SH3BP1: variants seen among roughly 807,000 people sequenced by gnomAD.
SH3BP1 encodes the protein SH3 domain binding protein 1, also known as SH3 domain-binding protein 1.
A neutral mutation model predicts 69.8 loss-of-function variants in SH3BP1; 46 were observed. The observed-to-expected ratio is 0.66, with a 90% CI of 0.52 to 0.84. The LOEUF (loss-of-function observed/expected upper bound fraction) is 0.84. Ranked by LOEUF, SH3BP1 falls within the 40% of genes least tolerant of loss-of-function variation. The pLI, the probability that SH3BP1 is intolerant of heterozygous loss-of-function variation, is 0.00. For synonymous variants in SH3BP1, 403 were observed against 378.0 expected (o/e 1.07, Z -0.77); for missense variants, 868 against 930.9 (o/e 0.93, Z 0.88).
rs367679789 is a variant in SH3BP1 at position 37,643,189 on chromosome 22, C to T, written c.473+15C>T. On this transcript the variant is annotated intron_variant, in intron 6 of 17. Transcript: ENST00000649765. ...CTCAAGAGCAGGTGGGAGCCCCAGC[C>T]GCTCAGGGGGCTCATATCTGGGTCA... 1.2e-4 allele frequency: 196 copies of T among 1,596,976 alleles called. 3 individuals carry two copies. The South Asian group carries it at 1.6e-3, about 13-fold the overall frequency.
chr22:37,652,005 C>CAG lies in SH3BP1; in HGVS notation c.1598+1280_1598+1281insAG, dbSNP rs1399723662. On this transcript the variant is annotated intron_variant, in intron 16 of 17. Coordinates refer to ENST00000649765, the MANE Select transcript of SH3BP1 (RefSeq NM_018957.6). ...ACCCCCTCTGCTTCTCACCCACTCT[C>CAG]TGGCTTCCAGTGGCCAAAGCATCTC... Among the ~76,000 whole-genome samples the CAG allele has an allele frequency of 4.5e-3, 686 of 152,238 alleles. 7 individuals are homozygous for CAG. Among genetic ancestry groups the CAG allele is most frequent in the African/African-American group, 0.016 (662 of 41,530 alleles).
In SH3BP1 at chr22:37,643,655, C is replaced by G; in HGVS notation, c.485C>G (p.Ala162Gly). The change falls in exon 7 of 18, where the codon GCA becomes GGA. Residue 162 changes from alanine to glycine, a missense_variant. Physicochemically the swap from Ala to Gly is moderately conservative, Grantham distance 60 (BLOSUM62 0). This residue lies in a region of SH3BP1 where 387 missense variants were observed against 447.9 expected (regional missense o/e 0.86). Coordinates refer to ENST00000649765, the MANE Select transcript of SH3BP1 (RefSeq NM_018957.6). ...WNTLKSRLSQATKNSGSSQGL... is the reference protein window; with the variant it reads ...WNTLKSRLSQGTKNSGSSQGL... ...GGGATCATCTCCAGGCTCAGTCAGGCAACCAAGAATTCAGGCAGCAGTCAA... is the reference window on the plus strand; with the variant it reads ...GGGATCATCTCCAGGCTCAGTCAGGGAACCAAGAATTCAGGCAGCAGTCAA... The G allele has an allele frequency of 6.2e-7, 1 of 1,614,162 alleles. No homozygotes were observed. The highest frequency in any genetic ancestry group is 2.2e-5 in the East Asian group (1 of 44,886).
In SH3BP1 at chr22:37,656,072, C is replaced by A; in HGVS notation, c.*388C>A. On this transcript the variant is annotated 3_prime_UTR_variant, in exon 18 of 18. Transcript: ENST00000649765. ...GCTGCCCAAATGATAGTTTTATTTT[C>A]TGTCCTTGAAATAAAGAAGCCAATT... 8 of 1,335,808 alleles carry A rather than the reference C, an allele frequency of 6.0e-6. No homozygotes were observed. The highest frequency in any genetic ancestry group is 7.9e-6 in the Non-Finnish European group (8 of 1,016,488). 82.7% of individuals were successfully genotyped at this position (1,335,808 alleles called of 1,614,324 possible).
In SH3BP1 at chr22:37,644,663, C is replaced by T. The variant is rs773499674; in HGVS notation, c.645C>T (p.His215=). Residue 215 remains histidine, a synonymous_variant, in exon 8 of 18, where the codon CAC becomes CAT. Transcript: ENST00000649765. ...ACGAGTACTTGGCTGACCTGTACCACTTTGTTACCAAGGAGGACTCCTATG... is the reference window on the plus strand; with the variant it reads ...ACGAGTACTTGGCTGACCTGTACCATTTTGTTACCAAGGAGGACTCCTATG... The part of the protein sequence containing the change: ...CRDEYLADLY[H]FVTKEDSYAN... 6.2e-7 allele frequency: 1 copy of T among 1,614,232 alleles called. No individual in the cohort carries two copies. Among genetic ancestry groups the T allele is most frequent in the East Asian group, 2.2e-5 (1 of 44,886 alleles).
intron 11 of SH3BP1, 31 bp downstream of exon 11, chr22:37,646,960 G>A: frequency 7.0e-7 from 1 of 1,430,358 alleles, no homozygotes; most frequent in Non-Finnish European, 9.3e-7. Context: ...TGGGCAGGAG[G>A]TTGGGGGGGA....
chr22:37,645,651 C>T (rs544228024), intron 10 of SH3BP1, 141 bp downstream of exon 10: 7 of 941,274 alleles, frequency 7.4e-6, no homozygotes, highest in African/African-American at 1.7e-5. Context: ...CTGCCTCCTG[C>T]GGCATCCACA....
intron 13 of SH3BP1, 51 bp from the exon 14 acceptor site, chr22:37,648,268 C>A: frequency 7.7e-7 from 1 of 1,303,510 alleles, no homozygotes. Flanking sequence ...CTGGAGAATT[C>A]TCAGGGCTGG....
intron 3 of SH3BP1, among the ~76,000 whole-genome samples, 185 bp downstream of exon 3, chr22:37,641,663 A>G (rs1932604181): frequency 1.3e-5 from 2 of 151,834 alleles, no homozygotes; most frequent in African/African-American, 4.8e-5. Flanking sequence ...CATCACCTTT[A>G]CCCCACTTCC....
At chr22:37,643,859 G>A in intron 7 of SH3BP1, 71 bp downstream of exon 7, 1 of 1,578,944 alleles carries the variant, frequency 6.3e-7, no homozygotes, top group Non-Finnish European at 8.6e-7. Flanking sequence ...TCACAGGCAA[G>A]GAAGCTGAAG....
At chr22:37,653,558 ACT>A (rs1272379847) in intron 16 of SH3BP1, among the ~76,000 whole-genome samples, 1 of 151,930 alleles carries the variant, frequency 6.6e-6, no homozygotes, top group African/African-American at 2.4e-5. Context: ...AGGAACATGG[ACT>A]CTGTCACAGG....
chr22:37,643,838 C>T, intron 7 of SH3BP1, 50 bp downstream of exon 7: 1 of 1,599,776 alleles, frequency 6.3e-7, no homozygotes, highest in Non-Finnish European at 8.5e-7. Context: ...AGGGGTGGGT[C>T]CTGGCCCATC....
rs563366869 is a variant in SH3BP1, at chr22:37,654,943, C to A, written c.1694-329C>A. Among the ~76,000 whole-genome samples the A allele has an allele frequency of 3.8e-4, 57 of 150,720 alleles. 1 individual carries two copies. The highest frequency in any genetic ancestry group is 1.1e-3 in the African/African-American group (44 of 41,050). Reference sequence around the variant, plus strand: ...TGGACAACACAGCGAGACCCTGTCTCAAAATTTAAGAACTTTTAAAAATTC... The same window carrying A: ...TGGACAACACAGCGAGACCCTGTCTAAAAATTTAAGAACTTTTAAAAATTC... On this transcript the variant is annotated intron_variant, in intron 17 of 17. Coordinates refer to ENST00000649765, the MANE Select transcript of SH3BP1 (RefSeq NM_018957.6).
chr22:37,650,637 G>A lies in SH3BP1; in HGVS notation c.1510G>A (p.Val504Met), dbSNP rs141462749. 2.8e-5 allele frequency: 45 copies of A among 1,613,736 alleles called. No homozygotes were observed. The highest frequency in any genetic ancestry group is 6.7e-5 in the African/African-American group (5 of 74,902). ...CTCTGAGGAACTTCCGTCCACTGCC[G>A]TGCCCACCCCAGCCACCACCCCGGC... ...LASEELPSTA[V>M]PTPATTPAPA... The change falls in exon 16 of 18, where the codon GTG becomes ATG. Residue 504 changes from valine to methionine, a missense_variant. By Grantham distance (21) the Val-to-Met change is conservative. Around this residue, in one of 3 missense-constraint regions of SH3BP1, gnomAD observed 474 missense variants for 462.3 expected, o/e 1.03. Transcript: ENST00000649765.
intron 13 of SH3BP1, 101 bp downstream of exon 13, chr22:37,647,622 C>A: frequency 1.3e-6 from 1 of 774,968 alleles, no homozygotes; most frequent in Non-Finnish European, 1.9e-6. Context: ...GCCACTGTAT[C>A]CTAAGAAATA....
chr22:37,653,663 T>C (rs1394163071), intron 16 of SH3BP1, 116 bp from the exon 17 acceptor site: 6 of 745,596 alleles, frequency 8.0e-6, no homozygotes, highest in Non-Finnish European at 1.5e-5. Flanking sequence ...GACAGAGTGA[T>C]AGAGAGCGAG....
At chr22:37,650,852 C>T (rs1013490650) in intron 16 of SH3BP1, 127 bp downstream of exon 16, 39 of 1,266,602 alleles carry the variant, frequency 3.1e-5, no homozygotes, top group South Asian at 3.1e-5. Context: ...TCCCAAAGAC[C>T]GGATCTCCTA....
At chr22:37,644,581 C>T in intron 7 of SH3BP1, 56 bp from the exon 8 acceptor site, 5 of 1,557,484 alleles carry the variant, frequency 3.2e-6, no homozygotes, top group Non-Finnish European at 4.4e-6. Context: ...GCCTCCTCTT[C>T]CCCTCTAGAC....
In SH3BP1 at chr22:37,646,961, T is replaced by C. The variant is rs771771709; in HGVS notation, c.1036+32T>C. ...GATCCGGGGAGCCCTGGGCAGGAGG[T>C]TGGGGGGGAGGGGGTGCAGTGGCTT... On this transcript the variant is annotated intron_variant, in intron 11 of 17. Transcript: ENST00000649765. The C allele has an allele frequency of 2.1e-5, 30 of 1,415,704 alleles. No homozygotes were observed. In the East Asian group the frequency reaches 6.3e-4, roughly 30 times the overall value. 87.7% of individuals were successfully genotyped at this position (1,415,704 alleles called of 1,614,324 possible). A position where few individuals can be genotyped will look rare whatever the true frequency, so the allele number is the denominator to read the frequency against.
At chr22:37,644,586 C>G (rs992021794) in intron 7 of SH3BP1, 51 bp from the exon 8 acceptor site, 16 of 1,581,474 alleles carry the variant, frequency 1.0e-5, no homozygotes, top group African/African-American at 1.3e-5. Flanking sequence ...CTCTTCCCCT[C>G]TAGACCCCAC....
Sources: allele counts gnomAD v4.1 joint callset (sites outside exome capture counted in the v4.1 genomes callset), GRCh38; gene constraint gnomAD v4.1.1; regional missense constraint gnomAD v4.1.1; transcripts MANE v1.5; gene names NCBI Gene and HGNC (gene_info 2026-07-23, HGNC 2026-07-21).